Variants in ENTREP2 observed in about 807,000 individuals in gnomAD.
ENTREP2 encodes the protein endosomal transmembrane epsin interactor 2, also known as protein ENTREP2.
At chr15:29,267,508 C>T in the ENTREP2 span, 3 of 152,236 alleles carry the variant, frequency 2.0e-5, no homozygotes, top group Admixed American at 2.0e-4. Flanking sequence ...TAGCATGAGC[C>T]GTAATTCAAA....
the ENTREP2 span, among the ~76,000 whole-genome samples, chr15:29,366,576 C>G: frequency 6.6e-6 from 1 of 152,152 alleles, no homozygotes; most frequent in African/African-American, 2.4e-5. Flanking sequence ...TTGTGCTTCC[C>G]TGTAGCCATT....
At chr15:29,269,316 G>T in the ENTREP2 span, 8 of 1,614,064 alleles carry the variant, frequency 5.0e-6, no homozygotes, top group Non-Finnish European at 6.8e-6. Flanking sequence ...GGCGCTCGGC[G>T]GCCCGTTTGA....
the ENTREP2 span, among the ~76,000 whole-genome samples, chr15:29,330,650 T>G: frequency 6.6e-6 from 1 of 152,134 alleles, no homozygotes; most frequent in East Asian, 1.9e-4. Context: ...TAAGGCAACA[T>G]GGCGACGAAA....
chr15:29,602,122 A>C, the ENTREP2 span, among the ~76,000 whole-genome samples: 1 of 152,254 alleles, frequency 6.6e-6, no homozygotes, highest in African/African-American at 2.4e-5. Context: ...AACCACGAGA[A>C]GCAAAGCCTG....
At chr15:29,391,164 T>C in the ENTREP2 span, among the ~76,000 whole-genome samples, 6 of 151,972 alleles carry the variant, frequency 3.9e-5, no homozygotes, top group Admixed American at 3.9e-4. Context: ...TGCAGGCCTC[T>C]ACCATCTGTC....
At chr15:29,236,714 C>T in the ENTREP2 span, among the ~76,000 whole-genome samples, 2 of 152,074 alleles carry the variant, frequency 1.3e-5, no homozygotes, top group African/African-American at 4.8e-5. Flanking sequence ...ATAAAACCTC[C>T]AGGCCTAGAT....
At chr15:29,329,220 G>A in the ENTREP2 span, among the ~76,000 whole-genome samples, 1 of 151,618 alleles carries the variant, frequency 6.6e-6, no homozygotes, top group Non-Finnish European at 1.5e-5. Context: ...AAAATTAGCC[G>A]GGCATGGTGG....
the ENTREP2 span, among the ~76,000 whole-genome samples, chr15:29,278,868 A>G: frequency 1.3e-5 from 2 of 152,330 alleles, no homozygotes; most frequent in East Asian, 1.9e-4. Context: ...CTTAAACAAC[A>G]AAGTGATTCC....
At chr15:29,143,569 G>A in the ENTREP2 span, among the ~76,000 whole-genome samples, 49,511 of 152,054 alleles carry the variant, frequency 0.33, 8,780 homozygotes, top group African/African-American at 0.47. Context: ...AGGGCCGTGG[G>A]GGCTGGAGCT....
At chr15:29,346,107 A>C in the ENTREP2 span, among the ~76,000 whole-genome samples, 56 of 152,310 alleles carry the variant, frequency 3.7e-4, no homozygotes, top group African/African-American at 1.3e-3. Flanking sequence ...ATGCACTCAA[A>C]GGCAGAAGCT....
chr15:29,125,892 C>T, the ENTREP2 span, among the ~76,000 whole-genome samples: 6 of 152,296 alleles, frequency 3.9e-5, no homozygotes, highest in Non-Finnish European at 5.9e-5. Flanking sequence ...CCTGTGTCTG[C>T]GTGGGGCGGC....
At chr15:29,193,321 G>A in the ENTREP2 span, among the ~76,000 whole-genome samples, 1 of 152,166 alleles carries the variant, frequency 6.6e-6, no homozygotes, top group African/African-American at 2.4e-5. Context: ...ACATCTGATC[G>A]TCTGGGGACC....
chr15:29,464,261 CAGAAAAGAATAA>C, the ENTREP2 span, among the ~76,000 whole-genome samples: 1 of 115,450 alleles, frequency 8.7e-6, no homozygotes, highest in African/African-American at 4.5e-5. Flanking sequence ...TATTTTTGCA[CAGAAAAGAATAA>C]AGAAAAGAAG....
the ENTREP2 span, among the ~76,000 whole-genome samples, chr15:29,288,338 G>A: frequency 6.6e-6 from 1 of 152,208 alleles, no homozygotes; most frequent in East Asian, 1.9e-4. Flanking sequence ...GTATGTCACA[G>A]TGGTCTCGTT....
the ENTREP2 span, among the ~76,000 whole-genome samples, chr15:29,507,898 A>T: frequency 1.6e-4 from 24 of 151,828 alleles, no homozygotes; most frequent in African/African-American, 4.6e-4. Context: ...GAAATAACTA[A>T]GACCAAAGCA....
At chr15:29,419,712 T>C in the ENTREP2 span, among the ~76,000 whole-genome samples, 1 of 152,294 alleles carries the variant, frequency 6.6e-6, no homozygotes, top group South Asian at 2.1e-4. Flanking sequence ...TGGACGCACA[T>C]ATTACCTTCA....
chr15:29,261,609 G>T, the ENTREP2 span, among the ~76,000 whole-genome samples: 1 of 152,144 alleles, frequency 6.6e-6, no homozygotes, highest in Admixed American at 6.6e-5. Flanking sequence ...TTAGGCCAAA[G>T]ACCATGTTAA....
At chr15:29,251,217 A>T in the ENTREP2 span, among the ~76,000 whole-genome samples, 1 of 152,220 alleles carries the variant, frequency 6.6e-6, no homozygotes, top group Admixed American at 6.5e-5. Flanking sequence ...TCTGAAAGGT[A>T]GCCTGCTATT....
At chr15:29,145,748 C>T in the ENTREP2 span, among the ~76,000 whole-genome samples, 1 of 151,908 alleles carries the variant, frequency 6.6e-6, no homozygotes, top group Non-Finnish European at 1.5e-5. Flanking sequence ...AGACTGGATG[C>T]TTCCCCTAGA....
Sources: allele counts gnomAD v4.1 joint callset (sites outside exome capture counted in the v4.1 genomes callset), GRCh38; gene constraint gnomAD v4.1.1; transcripts MANE v1.5; gene names NCBI Gene and HGNC (gene_info 2026-07-23, HGNC 2026-07-21).